LYPD5: variants seen among roughly 807,000 people sequenced by gnomAD.
LYPD5 encodes the protein ly6/PLAUR domain-containing protein 5.
Under a neutral mutation model 19.1 loss-of-function variants are expected in LYPD5, and 21 were observed. That is an observed-to-expected ratio of 1.10 (90% CI 0.78 to 1.58). The LOEUF is 1.58. Ranked by LOEUF, LYPD5 falls within the 40% of genes most tolerant of loss-of-function variation. The probability of loss-of-function intolerance (pLI) is 0.00; values close to 1 mark genes in which losing one functional copy is unlikely to be tolerated. For synonymous variants in LYPD5, 128 were observed against 142.7 expected, an observed-to-expected ratio of 0.90 and a Z score of 0.74; for missense variants, 287 against 329.8, an observed-to-expected ratio of 0.87 and a Z score of 1.00.
chr19:43,805,777 G>T (rs1312051495), upstream of LYPD5, among the ~76,000 whole-genome samples: 1 of 152,104 alleles, frequency 6.6e-6, no homozygotes, highest in African/African-American at 2.4e-5. Flanking sequence ...CAAAGTGCTG[G>T]GATTACAGGC....
upstream of LYPD5, among the ~76,000 whole-genome samples, chr19:43,805,286 C>T (rs1234668782): frequency 6.6e-6 from 1 of 152,124 alleles, no homozygotes; most frequent in Non-Finnish European, 1.5e-5. Flanking sequence ...GTATTTCTTG[C>T]CTTATTGGAA....
intron 1 of LYPD5, 96 bp from the exon 2 acceptor site, chr19:43,799,930 GC>G: frequency 7.1e-7 from 1 of 1,405,014 alleles, no homozygotes; most frequent in South Asian, 1.4e-5. Context: ...CACGGGCCTG[GC>G]CCCTCTGCTC....
upstream of LYPD5, among the ~76,000 whole-genome samples, chr19:43,803,436 G>A (rs2146498124): frequency 6.6e-6 from 1 of 152,304 alleles, no homozygotes. Flanking sequence ...TTGCTGCCTG[G>A]AGATGCTGCC....
chr19:43,800,038 C>G, intron 1 of LYPD5: 1 of 506,062 alleles, frequency 2.0e-6, no homozygotes, highest in Non-Finnish European at 3.4e-6. Flanking sequence ...CTGCAGCTGA[C>G]AGTCCAGTTT....
chr19:43,805,981 C>T (rs1970267373), upstream of LYPD5, among the ~76,000 whole-genome samples: 1 of 152,160 alleles, frequency 6.6e-6, no homozygotes. Context: ...TCAAACAACT[C>T]CCCTTTCTTC....
chr19:43,798,880 C>G lies in LYPD5; in HGVS notation c.302G>C (p.Arg101Pro). The G allele has an allele frequency of 6.2e-7, 1 of 1,607,212 alleles. No individual in the cohort carries two copies. The highest frequency in any genetic ancestry group is 8.5e-7 in the Non-Finnish European group (1 of 1,177,048). Reference sequence around the variant, plus strand: ...GTTGCATTTGTCAGTTGTGCAGCCGCGCACCACCGAGTAGTCTGGCGGCAG... The same window carrying G: ...GTTGCATTTGTCAGTTGTGCAGCCGGGCACCACCGAGTAGTCTGGCGGCAG... ...DALPPDYSVV[R>P]GCTTDKCNAH... is the part of the protein sequence containing the mutation. The change falls in exon 3 of 5, where the codon CGC becomes CCC. Residue 101 changes from arginine (R) to proline (P), a missense_variant. Arg to Pro is a moderately radical substitution (Grantham distance 103, BLOSUM62 -2). Coordinates refer to ENST00000377950, the MANE Select transcript of LYPD5 (RefSeq NM_001031749.3).
At chr19:43,812,304 T>C (rs1212305351) in intron 1 of LYPD5, among the ~76,000 whole-genome samples, 1 of 151,806 alleles carries the variant, frequency 6.6e-6, no homozygotes, top group African/African-American at 2.4e-5. Context: ...AAGGTGTGGA[T>C]AGAGGGAGGG....
intron 1 of LYPD5, among the ~76,000 whole-genome samples, chr19:43,816,777 C>T (rs961334722): frequency 1.3e-5 from 2 of 152,174 alleles, no homozygotes; most frequent in Non-Finnish European, 2.9e-5. Flanking sequence ...GGGAGGAACC[C>T]GGTGAGAGAT....
At chr19:43,806,439 G>T (rs1277701621), upstream of LYPD5, among the ~76,000 whole-genome samples, 1 of 152,072 alleles carries the variant, frequency 6.6e-6, no homozygotes, top group African/African-American at 2.4e-5. Flanking sequence ...GAAGCAGGAG[G>T]ATCACTTGAG....
intron 1 of LYPD5, among the ~76,000 whole-genome samples, chr19:43,807,835 C>A (rs2046586): frequency 0.027 from 4,127 of 152,266 alleles, 180 homozygotes; most frequent in African/African-American, 0.092. Context: ...TCAGCTGAGG[C>A]AATGCCCAAG....
chr19:43,809,232 G>A (rs910003342), intron 1 of LYPD5, among the ~76,000 whole-genome samples: 1 of 151,888 alleles, frequency 6.6e-6, no homozygotes, highest in Non-Finnish European at 1.5e-5. Context: ...TAGAGACTTG[G>A]TTTCACCACG....
In LYPD5 at chr19:43,798,562, G is replaced by C; in HGVS notation, c.410C>G (p.Ala137Gly). The change falls in exon 4 of 5, where the codon GCC (alanine) becomes GGC (glycine). Residue 137 changes from alanine to glycine, a missense_variant. Ala to Gly is a moderately conservative substitution (Grantham distance 60, BLOSUM62 0). Coordinates refer to ENST00000377950, the MANE Select transcript of LYPD5 (RefSeq NM_001031749.3). ...PPTLSGAECY[A>G]CIGVHQDDCA... The stretch of plus-strand genomic sequence containing the variant: ...GTCATCCTGGTGGACCCCGATACAG[G>C]CGTAGCACTCGGCGCCGCTGAGCGT... 6.2e-7 allele frequency: 1 copy of C among 1,611,574 alleles called. No individual in the cohort carries two copies. Among genetic ancestry groups the C allele is most frequent in the South Asian group, 1.1e-5 (1 of 91,080 alleles).
At chr19:43,803,916 C>G (rs1194496099), upstream of LYPD5, among the ~76,000 whole-genome samples, 1 of 152,138 alleles carries the variant, frequency 6.6e-6, no homozygotes, top group Non-Finnish European at 1.5e-5. Flanking sequence ...CGGCTCACTG[C>G]AAGCTCCGCC....
intron 1 of LYPD5, among the ~76,000 whole-genome samples, chr19:43,812,019 G>A (rs1280660350): frequency 6.6e-6 from 1 of 152,048 alleles, no homozygotes; most frequent in East Asian, 1.9e-4. Flanking sequence ...ATGTGCTTGT[G>A]GTCAGCTGGA....
intron 4 of LYPD5, 57 bp downstream of exon 4, chr19:43,798,398 T>C (rs1457747227): frequency 1.9e-6 from 3 of 1,588,484 alleles, no homozygotes; most frequent in Non-Finnish European, 2.6e-6. Context: ...ACTACCCTCA[T>C]GGCTGCCCTG....
At chr19:43,811,005 G>A (rs1970318999) in intron 1 of LYPD5, among the ~76,000 whole-genome samples, 2 of 152,080 alleles carry the variant, frequency 1.3e-5, no homozygotes, top group African/African-American at 4.8e-5. Flanking sequence ...CCTTTCTTTG[G>A]CAGCATTTGT....
At chr19:43,803,004 CAG>C (rs1022435571), upstream of LYPD5, among the ~76,000 whole-genome samples, 1 of 152,050 alleles carries the variant, frequency 6.6e-6, no homozygotes, top group Admixed American at 6.6e-5. Flanking sequence ...AAGACACAAA[CAG>C]AGAGGCACCA....
At chr19:43,799,479 G>A (rs1022599284) in intron 2 of LYPD5, among the ~76,000 whole-genome samples, 9 of 152,028 alleles carry the variant, frequency 5.9e-5, no homozygotes, top group Non-Finnish European at 1.3e-4. Context: ...TTCTGACCTC[G>A]TGATTCGCCA....
chr19:43,818,227 C>G (rs1212229089), intron 1 of LYPD5, among the ~76,000 whole-genome samples: 20 of 152,128 alleles, frequency 1.3e-4, no homozygotes, highest in Non-Finnish European at 1.5e-5. Context: ...AGGGTCTCTC[C>G]TGGAAACACT....
Sources: allele counts gnomAD v4.1 joint callset (sites outside exome capture counted in the v4.1 genomes callset), GRCh38; gene constraint gnomAD v4.1.1; transcripts MANE v1.5; gene names NCBI Gene and HGNC (gene_info 2026-07-23, HGNC 2026-07-21).